Variants in MBNL2 observed in about 807,000 individuals in gnomAD.
MBNL2 encodes muscleblind-like protein 2.
MBNL2 carries 17 observed loss-of-function variants against 41.9 expected under a neutral mutation model. The observed-to-expected ratio is 0.41, with a 90% CI of 0.28 to 0.61. The LOEUF (loss-of-function observed/expected upper bound fraction) is 0.61. MBNL2 is among the 20% of genes least tolerant of loss of function. The pLI, the probability that MBNL2 is intolerant of heterozygous loss-of-function variation, is 0.35. For missense variants in MBNL2, 336 were observed against 505.6 expected (o/e 0.66, Z 3.22); for synonymous variants, 195 against 182.9 (o/e 1.07, Z -0.53).
rs573847023 is a variant in MBNL2, at chr13:97,382,077, C to T, written c.1049-9245C>T. On this transcript the variant is annotated intron_variant, in intron 8 of 8. Transcript: ENST00000679496. ...CAACTTACTGTAAATATTTTAAACA[C>T]TTTCAAATATTTTCTTAGTGTGTCC... 2.0e-4 allele frequency among the ~76,000 whole-genome samples: 31 copies of T among 152,276 alleles called. No homozygotes were observed. In the East Asian group the frequency reaches 2.1e-3, roughly 10 times the overall value.
intron 1 of MBNL2, among the ~76,000 whole-genome samples, chr13:97,266,275 TAAAAC>T (rs2049780290): frequency 6.6e-6 from 1 of 152,154 alleles, no homozygotes; most frequent in South Asian, 2.1e-4. Flanking sequence ...ATTAATTAAT[TAAAAC>T]AAAACCAATT....
chr13:97,255,039 C>T (rs1438504405), intron 1 of MBNL2, among the ~76,000 whole-genome samples: 1 of 152,172 alleles, frequency 6.6e-6, no homozygotes, highest in Non-Finnish European at 1.5e-5. Flanking sequence ...ACCTGTGCTT[C>T]TGCTGCAGGG....
chr13:97,328,170 ACC>A (rs933893202), intron 2 of MBNL2, among the ~76,000 whole-genome samples: 1 of 138,406 alleles, frequency 7.2e-6, no homozygotes, highest in African/African-American at 2.9e-5. Flanking sequence ...GGTTTCCTTA[ACC>A]CTTTTTTTTT....
chr13:97,307,414 G>A (rs960842545), intron 2 of MBNL2, among the ~76,000 whole-genome samples: 1 of 151,858 alleles, frequency 6.6e-6, no homozygotes, highest in African/African-American at 2.4e-5. Context: ...AAAACCTGGA[G>A]CGTATTTTCC....
the MBNL2 span, among the ~76,000 whole-genome samples, chr13:97,159,991 T>G: frequency 6.6e-6 from 1 of 152,080 alleles, no homozygotes; most frequent in East Asian, 1.9e-4. Flanking sequence ...CTGCAGAGTG[T>G]TTTCCAACTT....
the MBNL2 span, among the ~76,000 whole-genome samples, chr13:97,151,512 G>T: frequency 6.6e-6 from 1 of 152,102 alleles, no homozygotes; most frequent in Admixed American, 6.6e-5. Context: ...AAGCAACTAG[G>T]GCTCTAATTT....
At chr13:97,361,175 G>A (rs2063361184) in intron 7 of MBNL2, among the ~76,000 whole-genome samples, 1 of 152,228 alleles carries the variant, frequency 6.6e-6, no homozygotes, top group African/African-American at 2.4e-5. Flanking sequence ...GAGTGAAGGA[G>A]AGGAGACAAT....
At chr13:97,256,998 CTG>C (rs1378834106) in intron 1 of MBNL2, among the ~76,000 whole-genome samples, 1 of 152,206 alleles carries the variant, frequency 6.6e-6, no homozygotes, top group Non-Finnish European at 1.5e-5. Flanking sequence ...TAAAAAGAGA[CTG>C]TATTGGCAAA....
At chr13:97,327,560 T>TAAAAAAA (rs71922683) in intron 2 of MBNL2, among the ~76,000 whole-genome samples, 2,641 of 90,570 alleles carry the variant, frequency 0.029, 170 homozygotes, top group African/African-American at 0.08. Context: ...ACGTTATTTG[T>TAAAAAAA]AAAAAAAAAA....
In MBNL2 at chr13:97,346,862, C is replaced by T; in HGVS notation, c.599C>T (p.Ala200Val). 3 of 1,613,874 alleles carry T rather than the reference C, an allele frequency of 1.9e-6. No individual in the cohort carries two copies. Among genetic ancestry groups the T allele is most frequent in the Non-Finnish European group, 2.5e-6 (3 of 1,179,806 alleles). The change falls in exon 5 of 9, where the codon GCA (alanine) becomes GTA (valine). Residue 200 changes from alanine (A) to valine (V), a missense_variant. Ala to Val is a moderately conservative substitution (Grantham distance 64, BLOSUM62 0). Coordinates refer to ENST00000679496, the MANE Select transcript of MBNL2 (RefSeq NM_001382683.1). This position sits in a 1 kb window ranked among gnomAD's most constrained non-coding sequence, Gnocchi z 4.2. ...CGGGGAGAGACCGACTGCCGCTTTG[C>T]ACACCCCGCAGACAGCACCATGATC... is the stretch of plus-strand genomic sequence containing the variant. ...CARGETDCRFAHPADSTMIDT... is the reference protein window; with the variant it reads ...CARGETDCRFVHPADSTMIDT...
At chr13:97,273,270 T>A (rs1264576366) in intron 1 of MBNL2, among the ~76,000 whole-genome samples, 1 of 152,174 alleles carries the variant, frequency 6.6e-6, no homozygotes, top group Admixed American at 6.5e-5. Context: ...TGGTGCCTCA[T>A]CTCCCTTGAT....
intron 2 of MBNL2, among the ~76,000 whole-genome samples, chr13:97,331,253 A>G (rs59101263): frequency 0.12 from 17,813 of 152,222 alleles, 1,099 homozygotes; most frequent in East Asian, 0.18. Flanking sequence ...TAATCACACA[A>G]CAGTCCTGAG....
chr13:97,251,105 C>T (rs1197356379), intron 1 of MBNL2, among the ~76,000 whole-genome samples: 1 of 150,600 alleles, frequency 6.6e-6, no homozygotes, highest in Non-Finnish European at 1.5e-5. Context: ...CTACTAGGAG[C>T]ATGGAGACTT....
chr13:97,207,818 T>A, the MBNL2 span, among the ~76,000 whole-genome samples: 1 of 152,206 alleles, frequency 6.6e-6, no homozygotes, highest in Non-Finnish European at 1.5e-5. Flanking sequence ...CTTCCACCTA[T>A]GAGCCTGTAA....
At chr13:97,256,859 T>C (rs1216317023) in intron 1 of MBNL2, among the ~76,000 whole-genome samples, 1 of 152,208 alleles carries the variant, frequency 6.6e-6, no homozygotes, top group Non-Finnish European at 1.5e-5. Context: ...TTTCGTTAAA[T>C]GCTAAGTAAG....
intron 8 of MBNL2, among the ~76,000 whole-genome samples, chr13:97,372,627 T>C (rs2064495833): frequency 6.6e-6 from 1 of 152,190 alleles, no homozygotes; most frequent in Non-Finnish European, 1.5e-5. Context: ...TTATATATGA[T>C]CATCAATTTC....
the MBNL2 span, among the ~76,000 whole-genome samples, chr13:97,173,848 C>A: frequency 1.3e-5 from 2 of 152,156 alleles, no homozygotes; most frequent in Admixed American, 6.6e-5. Flanking sequence ...CAGTACTTAT[C>A]GGATACCTCC....
chr13:97,323,993 T>C (rs1338001542), intron 2 of MBNL2, among the ~76,000 whole-genome samples: 1 of 152,210 alleles, frequency 6.6e-6, no homozygotes, highest in Non-Finnish European at 1.5e-5. Flanking sequence ...AGTCACCCTA[T>C]TATGCTGTCA....
At chr13:97,192,093 G>T in the MBNL2 span, among the ~76,000 whole-genome samples, 1 of 152,118 alleles carries the variant, frequency 6.6e-6, no homozygotes, top group Non-Finnish European at 1.5e-5. Context: ...TGGCAGCTTG[G>T]TTGGCCTTTA....
Sources: gnomAD v4.1 joint callset for allele counts (sites outside exome capture counted in the v4.1 genomes callset) on GRCh38, gnomAD v4.1.1 for gene constraint, Gnocchi (gnomAD v3.1) non-coding constraint, MANE v1.5 for transcripts, NCBI Gene and HGNC (gene_info 2026-07-23, HGNC 2026-07-21) for gene names.